Variants in UGT1A8 observed in about 807,000 individuals in gnomAD.
UGT1A8 encodes the protein UDP-glucuronosyltransferase 1A8.
UGT1A8 carries 39 observed loss-of-function variants against 45.3 expected under a neutral mutation model. The observed-to-expected ratio is 0.86, with a 90% confidence interval of 0.67 to 1.12. The LOEUF (loss-of-function observed/expected upper bound fraction) is 1.12, where lower values mean the gene tolerates loss of function less well. Among genes scored for constraint, UGT1A8 ranks in the 50% most tolerant of loss-of-function variants. The pLI is 0.00. For missense variants in UGT1A8, 719 were observed against 664.9 expected, an observed-to-expected ratio of 1.08 and a Z score of -0.90; for synonymous variants, 275 against 249.2, an observed-to-expected ratio of 1.10 and a Z score of -0.97.
intron 1 of UGT1A8, among the ~76,000 whole-genome samples, chr2:233,661,911 G>C: frequency 6.6e-6 from 1 of 152,036 alleles, no homozygotes; most frequent in Non-Finnish European, 1.5e-5. Flanking sequence ...CAATGCATGA[G>C]AACTGTGAGA....
intron 1 of UGT1A8, chr2:233,693,247 G>T: frequency 3.7e-6 from 6 of 1,614,080 alleles, no homozygotes; most frequent in Non-Finnish European, 5.1e-6. Context: ...ATCCAGTGCC[G>T]TATGACCAAG....
intron 1 of UGT1A8, among the ~76,000 whole-genome samples, chr2:233,698,632 A>G (rs1452910614): frequency 6.6e-6 from 1 of 152,262 alleles, no homozygotes; most frequent in Non-Finnish European, 1.5e-5. Context: ...TTTGCCTAAC[A>G]GGTTAGTAAG....
chr2:233,722,033 A>T (rs915638296), intron 1 of UGT1A8: 1 of 246,466 alleles, frequency 4.1e-6, no homozygotes, highest in Non-Finnish European at 8.1e-6. Flanking sequence ...CTTGAATTGC[A>T]TGATTTTGTG....
At chr2:233,655,477 G>A (rs2073834609) in intron 1 of UGT1A8, among the ~76,000 whole-genome samples, 1 of 152,312 alleles carries the variant, frequency 6.6e-6, no homozygotes, top group Middle Eastern at 3.4e-3. Flanking sequence ...GGAGGCTCAT[G>A]CTTCTCTTGT....
intron 1 of UGT1A8, among the ~76,000 whole-genome samples, chr2:233,699,953 G>A (rs1257269437): frequency 1.3e-5 from 2 of 152,194 alleles, no homozygotes; most frequent in Admixed American, 6.5e-5. Flanking sequence ...TACAATGTGT[G>A]AAAAATACCC....
chr2:233,624,338 GA>G (rs1234752744), intron 1 of UGT1A8, among the ~76,000 whole-genome samples: 2 of 152,086 alleles, frequency 1.3e-5, no homozygotes. Context: ...GTGTCCTGTA[GA>G]ATGTTCCTCT....
At chr2:233,765,043 G>A (rs987996173) in intron 1 of UGT1A8, among the ~76,000 whole-genome samples, 14 of 152,044 alleles carry the variant, frequency 9.2e-5, no homozygotes, top group Admixed American at 4.6e-4. Flanking sequence ...TGCAAATTGC[G>A]TTTGCTGAGC....
intron 1 of UGT1A8, among the ~76,000 whole-genome samples, chr2:233,711,009 T>C (rs2076157997): frequency 2.0e-5 from 3 of 152,234 alleles, no homozygotes; most frequent in African/African-American, 2.4e-5. Context: ...GATGCCTTTT[T>C]CTATCTCTGA....
intron 1 of UGT1A8, among the ~76,000 whole-genome samples, chr2:233,727,349 G>GT (rs760245596): frequency 1.3e-5 from 2 of 152,230 alleles, no homozygotes; most frequent in Non-Finnish European, 2.9e-5. Context: ...CCATAGTTCT[G>GT]CTATCCTTAG....
rs181868887 is a variant in UGT1A8 at position 233,669,182 on chromosome 2, A to G, written c.855+50620A>G. Among the ~76,000 whole-genome samples the G allele has an allele frequency of 3.3e-5, 5 of 152,296 alleles. No individual in the cohort carries two copies. In the East Asian group the frequency reaches 5.8e-4, roughly 18 times the overall value. On this transcript the variant is annotated intron_variant, in intron 1 of 4. Coordinates refer to ENST00000373450, the MANE Select transcript of UGT1A8 (RefSeq NM_019076.5). ...TTTCTGGGTATTCTATTCTGTTCCA[A>G]TGATCTTTTTGTGAAATATTTGATT...
At chr2:233,681,814 T>C (rs997842698) in intron 1 of UGT1A8, 48 of 1,499,374 alleles carry the variant, frequency 3.2e-5, no homozygotes, top group Non-Finnish European at 3.8e-5. Flanking sequence ...AATGTGAATT[T>C]TTTTTTAAAT....
chr2:233,712,236 T>C (rs1331292376), intron 1 of UGT1A8, among the ~76,000 whole-genome samples: 1 of 152,234 alleles, frequency 6.6e-6, no homozygotes, highest in African/African-American at 2.4e-5. Flanking sequence ...ACCATGGGTC[T>C]TTGCTAGGGT....
At position 233,772,362 on chromosome 2, in the gene UGT1A8, A is replaced by C. The variant is rs1400939614; in HGVS notation, c.1396A>C (p.Lys466Gln). 6.2e-7 allele frequency: 1 copy of C among 1,614,242 alleles called. No individual in the cohort carries two copies. The highest frequency in any genetic ancestry group is 2.2e-5 in the East Asian group (1 of 44,878). Reference sequence around the variant, plus strand: ...CTGGGTGGAGTTTGTGATGAGGCACAAGGGCGCGCCACACCTGCGCCCCGC... The same window carrying C: ...CTGGGTGGAGTTTGTGATGAGGCACCAGGGCGCGCCACACCTGCGCCCCGC... ...VFWVEFVMRH[K>Q]GAPHLRPAAH... The change falls in exon 5 of 5, where the codon AAG (lysine) becomes CAG (glutamine). Residue 466 changes from lysine to glutamine, a missense_variant. Physicochemically the swap from Lys to Gln is moderately conservative, Grantham distance 53. Coordinates refer to ENST00000373450, the MANE Select transcript of UGT1A8 (RefSeq NM_019076.5).
rs1559310669 is a variant in UGT1A8, at chr2:233,618,625, C to T, written c.855+63C>T. 3.3e-6 allele frequency: 5 copies of T among 1,537,448 alleles called. No individual in the cohort carries two copies. In the East Asian group the frequency reaches 1.1e-4, roughly 35 times the overall value. On this transcript the variant is annotated intron_variant, in intron 1 of 4. Transcript: ENST00000373450. ...GGCTTTGGAAATTAAAAAAAGATTC[C>T]TTACTGAATTGTGATTTGACATTTT...
rs576751024 is a variant in UGT1A8, at chr2:233,629,170, C to T, written c.855+10608C>T. ...ACCAGCATTCCACTCTTTTATTCTA[C>T]GTATCTGACTATTTTAGATACTTCA... is the stretch of plus-strand genomic sequence containing the variant. On this transcript the variant is annotated intron_variant, in intron 1 of 4. Coordinates refer to ENST00000373450, the MANE Select transcript of UGT1A8 (RefSeq NM_019076.5). Among the ~76,000 whole-genome samples the T allele has an allele frequency of 1.1e-4, 16 of 152,240 alleles. No homozygotes were observed. The South Asian group carries it at 2.1e-3, about 20-fold the overall frequency.
In UGT1A8 at chr2:233,769,631, G is replaced by A. The variant is rs1359038576; in HGVS notation, c.1295+1192G>A. 4 of 1,611,522 alleles carry A rather than the reference G, an allele frequency of 2.5e-6. No individual in the cohort carries two copies. Among genetic ancestry groups the A allele is most frequent in the African/African-American group, 1.3e-5 (1 of 74,932 alleles). ...ACACCAGCTTGAGCAAGGGACAACA[G>A]GGGAGGACTGATGACTGACTTCCCA... is the stretch of plus-strand genomic sequence containing the variant. On this transcript the variant is annotated intron_variant, in intron 4 of 4. Transcript: ENST00000373450. The surrounding 1 kb of genome is among the most constrained non-coding windows in gnomAD (Gnocchi z 4.4).
At chr2:233,632,970 G>A (rs1361755035) in intron 1 of UGT1A8, among the ~76,000 whole-genome samples, 1 of 152,154 alleles carries the variant, frequency 6.6e-6, no homozygotes. Flanking sequence ...CTGTCGGTTT[G>A]TCATAAATAA....
At chr2:233,767,649 T>C (rs965947156) in intron 2 of UGT1A8, among the ~76,000 whole-genome samples, 200 bp from the exon 3 acceptor site, 2 of 152,184 alleles carry the variant, frequency 1.3e-5, no homozygotes, top group African/African-American at 4.8e-5. Context: ...ATTCACGTAG[T>C]GCATACACCC....
At chr2:233,661,623 T>TTTTCTTTCTTTCTTTTCTTCC in intron 1 of UGT1A8, among the ~76,000 whole-genome samples, 1 of 123,952 alleles carries the variant, frequency 8.1e-6, no homozygotes, top group South Asian at 2.7e-4. Context: ...ACTTACTGAA[T>TTTTCTTTCTTTCTTTTCTTCC]TTTCTTTCTT....
Sources: allele counts gnomAD v4.1 joint callset (sites outside exome capture counted in the v4.1 genomes callset), GRCh38; gene constraint gnomAD v4.1.1; non-coding constraint Gnocchi (gnomAD v3.1); transcripts MANE v1.5; gene names NCBI Gene and HGNC (gene_info 2026-07-23, HGNC 2026-07-21).